Variants in ASTN2 observed in about 807,000 individuals in gnomAD.
ASTN2 encodes astrotactin 2.
A neutral mutation model predicts 139.8 loss-of-function variants in ASTN2; 54 were observed. The observed-to-expected ratio is 0.39, with a 90% CI of 0.31 to 0.48. The LOEUF (loss-of-function observed/expected upper bound fraction) is 0.48. Ranked by LOEUF, ASTN2 falls within the 20% of genes least tolerant of loss-of-function variation. The pLI, the probability that ASTN2 is intolerant of heterozygous loss-of-function variation, is 0.95. For missense variants in ASTN2, 1,565 were observed against 1,725.1 expected (o/e 0.91, Z 1.64); for synonymous variants, 756 against 719.5 (o/e 1.05, Z -0.81).
At chr9:116,631,300 G>A (rs1031183069) in intron 17 of ASTN2, among the ~76,000 whole-genome samples, 1 of 152,146 alleles carries the variant, frequency 6.6e-6, no homozygotes, top group African/African-American at 2.4e-5. Context: ...CAATAACCAA[G>A]ATATGGACTC....
At chr9:117,080,560 G>T (rs1828400288) in intron 5 of ASTN2, among the ~76,000 whole-genome samples, 1 of 151,774 alleles carries the variant, frequency 6.6e-6, no homozygotes, top group East Asian at 1.9e-4. Flanking sequence ...TGCAGGAAAT[G>T]GGGATGGGGA....
chr9:116,848,532 A>C lies in ASTN2; in HGVS notation c.2040+15051T>G, dbSNP rs7037711. 4.2e-3 allele frequency among the ~76,000 whole-genome samples: 641 copies of C among 152,336 alleles called. 3 individuals carry two copies. Among genetic ancestry groups the C allele is most frequent in the African/African-American group, 0.015 (603 of 41,576 alleles). On this transcript the variant is annotated intron_variant, in intron 11 of 22. Transcript: ENST00000313400. ...TCTGAAGCGCAGCACGAAGAGGTGTATTAACTTGATGAAGGTCACACGGCC... is the reference window on the plus strand; with the variant it reads ...TCTGAAGCGCAGCACGAAGAGGTGTCTTAACTTGATGAAGGTCACACGGCC...
chr9:116,452,149 G>A (rs1331166168), intron 20 of ASTN2, among the ~76,000 whole-genome samples: 2 of 152,178 alleles, frequency 1.3e-5, no homozygotes, highest in Admixed American at 6.5e-5. Flanking sequence ...GGAATGAATT[G>A]AACACAGAAT....
intron 11 of ASTN2, among the ~76,000 whole-genome samples, chr9:116,844,835 G>A (rs1832379538): frequency 6.6e-6 from 1 of 152,174 alleles, no homozygotes; most frequent in South Asian, 2.1e-4. Flanking sequence ...CATCTGTGCA[G>A]CCTTCAACAC....
At chr9:116,582,318 C>A (rs1206294910) in intron 19 of ASTN2, 2 of 152,194 alleles carry the variant, frequency 1.3e-5, no homozygotes. Context: ...AGGGAAGGGT[C>A]CAAGGATTCT....
At chr9:116,852,824 C>G (rs1588354392) in intron 11 of ASTN2, among the ~76,000 whole-genome samples, 1 of 151,406 alleles carries the variant, frequency 6.6e-6, no homozygotes, top group African/African-American at 2.4e-5. Flanking sequence ...AAGCATAGCT[C>G]TTGTGCTCTT....
chr9:117,142,035 G>A (rs142286408), intron 3 of ASTN2, among the ~76,000 whole-genome samples: 58 of 152,312 alleles, frequency 3.8e-4, no homozygotes, highest in African/African-American at 1.3e-3. Flanking sequence ...GATGGAAGGA[G>A]AAGCATGTGT....
rs548539599 is a variant in ASTN2, at chr9:117,253,522, ACAAAAGCAAG to A, written c.630+37794_630+37803del. On this transcript the variant is annotated intron_variant, in intron 2 of 22. Coordinates refer to ENST00000313400, the MANE Select transcript of ASTN2 (RefSeq NM_001365068.1). ...AACTCTAGTGGAGCTGGACATTGTG[ACAAAAGCAAG>A]GGAGGGACATCCATTTAGTGAGGAC... is the stretch of plus-strand genomic sequence containing the variant. Among the ~76,000 whole-genome samples, 441 of 152,308 alleles carry A rather than the reference ACAAAAGCAAG, an allele frequency of 2.9e-3. 5 individuals carry two copies. The highest frequency in any genetic ancestry group is 9.9e-3 in the African/African-American group (412 of 41,570).
Position 117,008,246 on chromosome 9 carries a change from C to T in ASTN2, c.1437G>A (p.Val479=). Residue 479 remains valine (V), a synonymous_variant, in exon 7 of 23, where the codon GTG becomes GTA. Transcript: ENST00000313400. Reference sequence around the variant, plus strand: ...TGTCCAGGTAGCTCCCTTCACTCACCACGAAGCTGCTTCCTATGGGTGAAC... The same window carrying T: ...TGTCCAGGTAGCTCCCTTCACTCACTACGAAGCTGCTTCCTATGGGTGAAC... ...EHFIADGSSF[V]VSEGSYLDIS... 1 of 1,601,342 alleles carries T rather than the reference C, an allele frequency of 6.2e-7. No individual in the cohort carries two copies. The highest frequency in any genetic ancestry group is 8.5e-7 in the Non-Finnish European group (1 of 1,173,998).
intron 19 of ASTN2, among the ~76,000 whole-genome samples, chr9:116,503,020 AAAG>A (rs1344635399): frequency 7.4e-5 from 11 of 149,554 alleles, no homozygotes; most frequent in Non-Finnish European, 1.3e-4. Context: ...AGATGAAAGG[AAAG>A]AAAAAAGGAG....
chr9:116,895,509 T>A (rs1833860151), intron 10 of ASTN2, among the ~76,000 whole-genome samples: 1 of 152,180 alleles, frequency 6.6e-6, no homozygotes, highest in Admixed American at 6.6e-5. Context: ...CGGTCATGGT[T>A]TTGGCACAGG....
intron 2 of ASTN2, among the ~76,000 whole-genome samples, chr9:117,283,378 G>T (rs1834371968): frequency 6.6e-6 from 1 of 152,062 alleles, no homozygotes; most frequent in Non-Finnish European, 1.5e-5. Flanking sequence ...AAATTTTAAA[G>T]TATTTTTTAA....
At chr9:117,368,242 G>A (rs1053490601) in intron 1 of ASTN2, among the ~76,000 whole-genome samples, 3 of 151,992 alleles carry the variant, frequency 2.0e-5, no homozygotes, top group African/African-American at 7.2e-5. Context: ...AAATAGGGGG[G>A]TTTTGGAAAT....
At chr9:117,184,368 A>C (rs10983564) in intron 3 of ASTN2, among the ~76,000 whole-genome samples, 19,673 of 152,240 alleles carry the variant, frequency 0.13, 1,697 homozygotes, top group East Asian at 0.42. Flanking sequence ...GAACAGCGCC[A>C]ATCAGGCAGC....
At chr9:116,912,973 G>A (rs1287777026) in intron 10 of ASTN2, among the ~76,000 whole-genome samples, 3 of 151,782 alleles carry the variant, frequency 2.0e-5, no homozygotes, top group South Asian at 2.1e-4. Context: ...ATCTCGGCTC[G>A]GCTCACGGCA....
rs557069832 is a variant in ASTN2, at chr9:116,965,933, G to C, written c.1889+9275C>G. Among the ~76,000 whole-genome samples the C allele has an allele frequency of 1.1e-3, 161 of 152,302 alleles. 2 individuals carry two copies. Among genetic ancestry groups the C allele is most frequent in the African/African-American group, 3.6e-3 (150 of 41,564 alleles). On this transcript the variant is annotated intron_variant, in intron 10 of 22. Transcript: ENST00000313400. Reference sequence around the variant, plus strand: ...ATCTGTGAAATGGGAGATAAAAATAGCTTCAACTTCAGAAGATGGCTGTAA... The same window carrying C: ...ATCTGTGAAATGGGAGATAAAAATACCTTCAACTTCAGAAGATGGCTGTAA...
At chr9:116,696,489 T>C (rs1860859136) in intron 16 of ASTN2, among the ~76,000 whole-genome samples, 2 of 152,234 alleles carry the variant, frequency 1.3e-5, no homozygotes, top group South Asian at 4.1e-4. Context: ...CTTTGCCTTT[T>C]ATACTTTGTT....
chr9:116,974,806 G>A (rs1307896023), intron 10 of ASTN2, among the ~76,000 whole-genome samples: 1 of 152,064 alleles, frequency 6.6e-6, no homozygotes, highest in Non-Finnish European at 1.5e-5. Flanking sequence ...ACCACGCCTG[G>A]TCTTTAGCCT....
chr9:116,624,019 C>G (rs1856311685), intron 17 of ASTN2, among the ~76,000 whole-genome samples: 1 of 152,070 alleles, frequency 6.6e-6, no homozygotes, highest in Non-Finnish European at 1.5e-5. Flanking sequence ...ACCTAAGAAA[C>G]AAATTCTGTA....
Sources: gnomAD v4.1 joint callset for allele counts (sites outside exome capture counted in the v4.1 genomes callset) on GRCh38, gnomAD v4.1.1 for gene constraint, MANE v1.5 for transcripts, NCBI Gene and HGNC (gene_info 2026-07-23, HGNC 2026-07-21) for gene names.